Variants in BMP7 observed in about 807,000 individuals in gnomAD.
BMP7 encodes bone morphogenetic protein 7.
Under a neutral mutation model 41.2 loss-of-function variants are expected in BMP7, and 12 were observed. That is an observed-to-expected ratio of 0.29 (90% CI 0.19 to 0.47). The LOEUF (loss-of-function observed/expected upper bound fraction) is 0.47, where lower values mean the gene tolerates loss of function less well. Ranked by LOEUF, BMP7 falls within the 20% of genes least tolerant of loss-of-function variation. The pLI is 0.99. For missense variants in BMP7, 467 were observed against 606.0 expected (o/e 0.77, Z 2.41); for synonymous variants, 248 against 250.0 (o/e 0.99, Z 0.07).
chr20:57,216,292 T>G (rs6123679), intron 2 of BMP7, among the ~76,000 whole-genome samples: 6,933 of 152,254 alleles, frequency 0.046, 437 homozygotes, highest in East Asian at 0.26. Context: ...CATGCTTCAG[T>G]GACCCCAGAG....
intron 1 of BMP7, among the ~76,000 whole-genome samples, chr20:57,232,170 C>A (rs908870680): frequency 1.3e-5 from 2 of 152,192 alleles, no homozygotes; most frequent in Non-Finnish European, 2.9e-5. Context: ...AGCTGTGTGA[C>A]CTTCCCCAAT....
intron 2 of BMP7, among the ~76,000 whole-genome samples, chr20:57,211,341 A>G (rs866175099): frequency 2.6e-5 from 4 of 152,366 alleles, no homozygotes; most frequent in Middle Eastern, 3.4e-3. Flanking sequence ...GGTTACTCGA[A>G]GCACAGAAAG....
intron 4 of BMP7, among the ~76,000 whole-genome samples, chr20:57,176,837 A>G (rs921916178): frequency 3.3e-5 from 5 of 149,996 alleles, no homozygotes; most frequent in African/African-American, 1.2e-4. Context: ...CACCCACTAC[A>G]TGCCATTAGG....
rs548518224 is a variant in BMP7, at chr20:57,201,878, G to C, written c.760+597C>G. On this transcript the variant is annotated intron_variant, in intron 3 of 6. Coordinates refer to ENST00000395863, the MANE Select transcript of BMP7 (RefSeq NM_001719.3). ...CTGTAGTGGGAATGAGAAGTGTTGG[G>C]GAGGGCAGACTCACAATGGATTCTC... Among the ~76,000 whole-genome samples the C allele has an allele frequency of 3.3e-5, 5 of 152,302 alleles. No individual in the cohort carries two copies. The East Asian group carries it at 9.7e-4, about 29-fold the overall frequency.
At chr20:57,257,289 T>C (rs1301854553) in intron 1 of BMP7, among the ~76,000 whole-genome samples, 1 of 152,198 alleles carries the variant, frequency 6.6e-6, no homozygotes, top group Non-Finnish European at 1.5e-5. Context: ...AGATCAGTGA[T>C]TCTAAACTGT....
rs147984006 is a variant in BMP7, at chr20:57,237,914, A to G, written c.419-9493T>C. ...AACCTATGGAACACCTAAGCCAGGT[A>G]AACAGCCACCATTTTTTAAAACTTT... On this transcript the variant is annotated intron_variant, in intron 1 of 6. Coordinates refer to ENST00000395863, the MANE Select transcript of BMP7 (RefSeq NM_001719.3). Among the ~76,000 whole-genome samples the G allele has an allele frequency of 4.4e-3, 668 of 152,372 alleles. 3 individuals carry two copies. Among genetic ancestry groups the G allele is most frequent in the African/African-American group, 0.015 (634 of 41,584 alleles).
intron 3 of BMP7, among the ~76,000 whole-genome samples, chr20:57,201,240 C>G (rs540813239): frequency 2.6e-5 from 4 of 152,298 alleles, no homozygotes; most frequent in African/African-American, 9.6e-5. Context: ...CCCAATGGCC[C>G]AAATCCTCTC....
At position 57,223,916 on chromosome 20, in the gene BMP7, G is replaced by A. The variant is rs574820631; in HGVS notation, c.611+4313C>T. On this transcript the variant is annotated intron_variant, in intron 2 of 6. Transcript: ENST00000395863. ...CATCCCCAGGAGAGGACTGGGCAAG[G>A]AGCCCTTGGCCCACTGCCCGAGGGC... Among the ~76,000 whole-genome samples the A allele has an allele frequency of 6.6e-4, 100 of 152,306 alleles. 1 individual carries two copies. The highest frequency in any genetic ancestry group is 3.4e-3 in the Middle Eastern group (1 of 294).
intron 2 of BMP7, among the ~76,000 whole-genome samples, chr20:57,212,025 GAGCCAGAGACACAGCGGC>G (rs1229742289): frequency 6.6e-6 from 1 of 152,232 alleles, no homozygotes; most frequent in African/African-American, 2.4e-5. Flanking sequence ...GCTCTGCTAG[GAGCCAGAGACACAGCGGC>G]AGCCAGAGAT....
At chr20:57,217,530 G>A (rs117545874) in intron 2 of BMP7, among the ~76,000 whole-genome samples, 1,580 of 152,296 alleles carry the variant, frequency 0.01, 14 homozygotes, top group Non-Finnish European at 0.017. Context: ...AGAAGACATC[G>A]AGCCACAGCC....
At chr20:57,183,941 G>A in intron 3 of BMP7, 22 bp from the exon 4 acceptor site, 2 of 1,611,182 alleles carry the variant, frequency 1.2e-6, no homozygotes, top group Non-Finnish European at 8.5e-7. Flanking sequence ...GCAGCCAAGT[G>A]CACAGAAGAG....
intron 1 of BMP7, among the ~76,000 whole-genome samples, chr20:57,245,661 C>CA (rs1192432677): frequency 8.3e-6 from 1 of 120,950 alleles, no homozygotes; most frequent in East Asian, 2.4e-4. Context: ...TTTTTTGAGA[C>CA]AGAGTCTTGC....
At chr20:57,192,054 T>G (rs1261460677) in intron 3 of BMP7, among the ~76,000 whole-genome samples, 2 of 122,726 alleles carry the variant, frequency 1.6e-5, no homozygotes, top group African/African-American at 6.8e-5. Context: ...GTATATTATA[T>G]AATATATATT....
At chr20:57,252,469 A>C (rs916020461) in intron 1 of BMP7, among the ~76,000 whole-genome samples, 1 of 152,236 alleles carries the variant, frequency 6.6e-6, no homozygotes, top group Non-Finnish European at 1.5e-5. Flanking sequence ...TAAGAGAGAG[A>C]TCTGCCCTAT....
chr20:57,256,565 C>A (rs902562525), intron 1 of BMP7, among the ~76,000 whole-genome samples: 1 of 152,148 alleles, frequency 6.6e-6, no homozygotes, highest in African/African-American at 2.4e-5. Flanking sequence ...GGGGTACATA[C>A]CCTAAATAGA....
intron 3 of BMP7, among the ~76,000 whole-genome samples, chr20:57,194,273 G>T (rs1406891293): frequency 6.6e-6 from 1 of 152,112 alleles, no homozygotes; most frequent in East Asian, 1.9e-4. Context: ...AAAAAGCCTC[G>T]AGTCTGTTGA....
chr20:57,230,912 C>T (rs908529352), intron 1 of BMP7, among the ~76,000 whole-genome samples: 4 of 151,944 alleles, frequency 2.6e-5, no homozygotes, highest in Non-Finnish European at 5.9e-5. Flanking sequence ...CTCCTGACCT[C>T]GTGATCCACC....
At chr20:57,198,056 CCTCTCCTCTCCCCTCCTCTCCTCTCG>C (rs763438944) in intron 3 of BMP7, among the ~76,000 whole-genome samples, 205 of 149,326 alleles carry the variant, frequency 1.4e-3, no homozygotes, top group Middle Eastern at 3.5e-3. Flanking sequence ...CCTTGCCTCT[CCTCTCCTCTCCCCTCCTCTCCTCTCG>C]CTCTCCTCTC....
intron 1 of BMP7, among the ~76,000 whole-genome samples, chr20:57,260,554 C>A (rs576110189): frequency 6.6e-6 from 1 of 152,152 alleles, no homozygotes; most frequent in Non-Finnish European, 1.5e-5. Context: ...CCCATGAAGG[C>A]GAGAGAAGGC....
Sources: gnomAD v4.1 joint callset for allele counts (sites outside exome capture counted in the v4.1 genomes callset) on GRCh38, gnomAD v4.1.1 for gene constraint, MANE v1.5 for transcripts, NCBI Gene and HGNC (gene_info 2026-07-23, HGNC 2026-07-21) for gene names.